AKAP6: variants seen among roughly 807,000 people sequenced by gnomAD.
AKAP6 encodes the protein A-kinase anchor protein 6.
In AKAP6, 58 loss-of-function variants were observed where a neutral mutation model predicts 188.5. That is an observed-to-expected ratio of 0.31 (90% CI 0.25 to 0.38). AKAP6 has a LOEUF of 0.38. Ranked by LOEUF, AKAP6 falls within the 10% of genes least tolerant of loss-of-function variation. AKAP6 has a pLI of 1.00. For synonymous variants in AKAP6, 989 were observed against 998.6 expected (o/e 0.99, Z 0.18); for missense variants, 2,710 against 2,740.0 (o/e 0.99, Z 0.24).
chr14:32,383,130 TG>T (rs35204273), intron 1 of AKAP6, among the ~76,000 whole-genome samples: 3 of 150,824 alleles, frequency 2.0e-5, no homozygotes, highest in African/African-American at 7.3e-5. Context: ...TGTGTGTGTG[TG>T]TTTCTGTCCC....
At chr14:32,664,874 T>C (rs1888854027) in intron 7 of AKAP6, among the ~76,000 whole-genome samples, 1 of 152,046 alleles carries the variant, frequency 6.6e-6, no homozygotes, top group Non-Finnish European at 1.5e-5. Context: ...CACTCAAGAC[T>C]TGGAGGTACT....
intron 4 of AKAP6, among the ~76,000 whole-genome samples, chr14:32,552,130 C>T (rs577026246): frequency 1.3e-5 from 2 of 152,230 alleles, no homozygotes; most frequent in South Asian, 2.1e-4. Flanking sequence ...AGTAATTGCT[C>T]GATAAAGACT....
At chr14:32,454,242 G>A (rs1346514011) in intron 2 of AKAP6, among the ~76,000 whole-genome samples, 1 of 152,192 alleles carries the variant, frequency 6.6e-6, no homozygotes, top group East Asian at 1.9e-4. Context: ...AAATATATCT[G>A]ATAGAAGCTA....
At chr14:32,761,758 A>G (rs1305720172) in intron 11 of AKAP6, among the ~76,000 whole-genome samples, 1 of 151,924 alleles carries the variant, frequency 6.6e-6, no homozygotes, top group Non-Finnish European at 1.5e-5. Context: ...GACGGGGTGT[A>G]TGGCACCGTA....
intron 9 of AKAP6, among the ~76,000 whole-genome samples, chr14:32,725,123 T>C (rs182286122): frequency 1.7e-4 from 26 of 151,896 alleles, no homozygotes; most frequent in African/African-American, 5.8e-4. Context: ...CATGCCTGCT[T>C]ACGTTTTTTG....
intron 7 of AKAP6, among the ~76,000 whole-genome samples, chr14:32,603,368 A>G (rs1594776034): frequency 6.6e-6 from 1 of 152,276 alleles, no homozygotes; most frequent in East Asian, 1.9e-4. Flanking sequence ...AAAGGAGTAC[A>G]TTCACCAGGG....
chr14:32,374,769 A>C (rs1594553740), intron 1 of AKAP6, among the ~76,000 whole-genome samples: 1 of 152,204 alleles, frequency 6.6e-6, no homozygotes, highest in Admixed American at 6.5e-5. Context: ...AAACTTGTTT[A>C]ATCACCTATC....
intron 5 of AKAP6, among the ~76,000 whole-genome samples, chr14:32,593,219 G>A (rs1474177482): frequency 6.6e-6 from 1 of 152,188 alleles, no homozygotes; most frequent in Non-Finnish European, 1.5e-5. Context: ...GGCAAGGGAT[G>A]ATGATGAAAG....
intron 2 of AKAP6, among the ~76,000 whole-genome samples, chr14:32,466,924 A>G (rs1374787778): frequency 6.7e-6 from 1 of 149,386 alleles, no homozygotes; most frequent in African/African-American, 2.5e-5. Flanking sequence ...ATATATACAT[A>G]TATTGGACAT....
intron 1 of AKAP6, among the ~76,000 whole-genome samples, chr14:32,393,897 A>G (rs1200795231): frequency 6.6e-6 from 1 of 152,150 alleles, no homozygotes; most frequent in African/African-American, 2.4e-5. Flanking sequence ...AAATTTGAAT[A>G]TAAGTAAATA....
intron 7 of AKAP6, among the ~76,000 whole-genome samples, chr14:32,643,406 C>G (rs1887846995): frequency 6.6e-6 from 1 of 151,918 alleles, no homozygotes; most frequent in African/African-American, 2.4e-5. Context: ...CTCCCGGGTT[C>G]AAGTAATTCT....
intron 1 of AKAP6, among the ~76,000 whole-genome samples, chr14:32,355,876 G>T (rs2138467414): frequency 6.6e-6 from 1 of 152,106 alleles, no homozygotes; most frequent in South Asian, 2.1e-4. Context: ...CTGGACTCAA[G>T]TGATCCTCCC....
At chr14:32,421,823 C>T (rs1229092026) in intron 1 of AKAP6, among the ~76,000 whole-genome samples, 1 of 152,132 alleles carries the variant, frequency 6.6e-6, no homozygotes, top group Non-Finnish European at 1.5e-5. Context: ...ATCAGATCTC[C>T]TAGAGAGGGA....
chr14:32,479,754 C>T (rs1408970233), intron 2 of AKAP6, among the ~76,000 whole-genome samples: 4 of 151,088 alleles, frequency 2.6e-5, no homozygotes, highest in Non-Finnish European at 4.4e-5. Context: ...TGAGAGAGAC[C>T]CCTTGCCTTT....
At chr14:32,789,001 T>C (rs56812253) in intron 12 of AKAP6, among the ~76,000 whole-genome samples, 30,110 of 152,144 alleles carry the variant, frequency 0.2, 3,595 homozygotes, top group African/African-American at 0.33. Context: ...CCACCATCTA[T>C]GTGGTTCGGT....
chr14:32,767,448 G>A (rs1194153623), intron 11 of AKAP6, among the ~76,000 whole-genome samples: 2 of 151,978 alleles, frequency 1.3e-5, no homozygotes, highest in African/African-American at 2.4e-5. Context: ...GCATACAAAT[G>A]TGAATGTAAA....
At chr14:32,417,729 A>G (rs1346356931) in intron 1 of AKAP6, 1 of 152,158 alleles carries the variant, frequency 6.6e-6, no homozygotes, top group East Asian at 1.9e-4. Flanking sequence ...TATTTTGCAC[A>G]TTTGACACAG....
At chr14:32,690,805 A>G (rs972853192) in intron 8 of AKAP6, among the ~76,000 whole-genome samples, 1 of 152,208 alleles carries the variant, frequency 6.6e-6, no homozygotes, top group African/African-American at 2.4e-5. Context: ...TAACATGATT[A>G]AGCTACCTAC....
At chr14:32,734,519 G>A (rs562151732) in intron 10 of AKAP6, 5 of 151,996 alleles carry the variant, frequency 3.3e-5, no homozygotes, top group East Asian at 1.9e-4. Context: ...TTATGAAGAC[G>A]GACCATTCTC....
Sources: allele counts gnomAD v4.1 joint callset (sites outside exome capture counted in the v4.1 genomes callset), GRCh38; gene constraint gnomAD v4.1.1; transcripts MANE v1.5; gene names NCBI Gene and HGNC (gene_info 2026-07-23, HGNC 2026-07-21).